RNF150: variants seen among roughly 807,000 people sequenced by gnomAD.
RNF150 encodes ring finger protein 150.
A neutral mutation model predicts 39.3 loss-of-function variants in RNF150; 24 were observed. The ratio of observed to expected loss-of-function variants is 0.61; its 90% CI spans 0.44 to 0.86. The LOEUF (loss-of-function observed/expected upper bound fraction) is 0.86. RNF150 is among the 40% of genes least tolerant of loss of function. RNF150 has a pLI of 0.00. For synonymous variants in RNF150, 255 were observed against 227.3 expected (o/e 1.12, Z -1.10); for missense variants, 502 against 587.8 (o/e 0.85, Z 1.51).
intron 4 of RNF150, among the ~76,000 whole-genome samples, chr4:140,930,461 G>A (rs150356871): frequency 7.8e-4 from 118 of 152,234 alleles, no homozygotes; most frequent in African/African-American, 2.7e-3. Flanking sequence ...TGCTCAATTC[G>A]CTGTTGCATC....
intron 1 of RNF150, among the ~76,000 whole-genome samples, chr4:141,169,550 T>C (rs1727664558): frequency 6.6e-6 from 1 of 152,142 alleles, no homozygotes; most frequent in Non-Finnish European, 1.5e-5. Flanking sequence ...TACTCACATG[T>C]TGAGAAACAG....
intron 1 of RNF150, among the ~76,000 whole-genome samples, chr4:141,022,889 A>G (rs1443164390): frequency 6.6e-6 from 1 of 152,226 alleles, no homozygotes; most frequent in Non-Finnish European, 1.5e-5. Flanking sequence ...GCATTCAGCT[A>G]AACTCATTTC....
At chr4:141,104,119 G>T (rs975643768) in intron 1 of RNF150, among the ~76,000 whole-genome samples, 2 of 152,122 alleles carry the variant, frequency 1.3e-5, no homozygotes, top group Non-Finnish European at 2.9e-5. Context: ...TGAAGGTCAA[G>T]TTTCCTTAAT....
intron 1 of RNF150, among the ~76,000 whole-genome samples, chr4:141,167,700 C>T (rs1351592974): frequency 1.3e-5 from 2 of 152,106 alleles, no homozygotes; most frequent in Non-Finnish European, 2.9e-5. Flanking sequence ...GGAAAAAATT[C>T]CCTATTTAGT....
At chr4:141,129,301 C>T (rs1023545227) in intron 1 of RNF150, among the ~76,000 whole-genome samples, 8 of 152,160 alleles carry the variant, frequency 5.3e-5, no homozygotes, top group Non-Finnish European at 7.4e-5. Context: ...TAAGTACTGA[C>T]GCATGCTACA....
At chr4:140,889,042 G>T (rs1169226680) in intron 6 of RNF150, among the ~76,000 whole-genome samples, 6 of 145,554 alleles carry the variant, frequency 4.1e-5, no homozygotes, top group Non-Finnish European at 9.1e-5. Flanking sequence ...TAAACAGTTT[G>T]TTTTTTTTTT....
intron 5 of RNF150, among the ~76,000 whole-genome samples, chr4:140,918,234 A>T (rs1020718395): frequency 1.3e-5 from 2 of 152,246 alleles, no homozygotes; most frequent in African/African-American, 4.8e-5. Flanking sequence ...AACCCTTCAA[A>T]AAATTAATGA....
chr4:141,078,919 A>G (rs1420632867), intron 1 of RNF150, among the ~76,000 whole-genome samples: 1 of 145,902 alleles, frequency 6.9e-6, no homozygotes, highest in Non-Finnish European at 1.5e-5. Context: ...ATATACACAT[A>G]TATATACATA....
At chr4:141,135,150 G>A (rs1727009105), upstream of RNF150, among the ~76,000 whole-genome samples, 1 of 152,196 alleles carries the variant, frequency 6.6e-6, no homozygotes, top group South Asian at 2.1e-4. Flanking sequence ...AATATGGAAA[G>A]AAAGAGAGCT....
At chr4:141,104,604 T>C (rs959966150) in intron 1 of RNF150, among the ~76,000 whole-genome samples, 5 of 152,174 alleles carry the variant, frequency 3.3e-5, no homozygotes, top group Non-Finnish European at 7.3e-5. Context: ...CGACAACAAA[T>C]GATACACTGA....
intron 1 of RNF150, among the ~76,000 whole-genome samples, chr4:141,130,920 T>C (rs1025639267): frequency 2.6e-5 from 4 of 152,222 alleles, no homozygotes; most frequent in African/African-American, 9.6e-5. Flanking sequence ...TCGAATATTC[T>C]GAAAGTGCTG....
chr4:140,934,874 G>A (rs1246622443), intron 4 of RNF150, among the ~76,000 whole-genome samples: 3 of 150,372 alleles, frequency 2.0e-5, no homozygotes, highest in African/African-American at 7.4e-5. Flanking sequence ...TAAAATACAG[G>A]GGCAATCATT....
rs12640306 is a variant in RNF150, at chr4:141,056,971, G to C, written c.484+75354C>G. Among the ~76,000 whole-genome samples, 68 of 152,222 alleles carry C rather than the reference G, an allele frequency of 4.5e-4. 1 individual carries two copies. The East Asian group carries it at 0.013, about 29-fold the overall frequency. ...GATAATAGTGTAGTTACTTAAGAAT[G>C]AAGGGCTATGACAAACCTTGACTAT... is the stretch of plus-strand genomic sequence containing the variant. On this transcript the variant is annotated intron_variant, in intron 1 of 6. Transcript: ENST00000515673.
At chr4:141,152,340 A>C (rs1727317055) in intron 1 of RNF150, among the ~76,000 whole-genome samples, 1 of 152,230 alleles carries the variant, frequency 6.6e-6, no homozygotes, top group Admixed American at 6.5e-5. Context: ...TTTCAAAATT[A>C]CTAACTTTTG....
chr4:140,911,241 G>A lies in RNF150; in HGVS notation c.1101C>T (p.Val367=). ...ASDTTVNESS[V]TLDPAVRTVG... ...CAGTCCGGACAGCAGGGTCCAAAGT[G>A]ACTGAACTTTCATTCACTGTTGTGT... Residue 367 remains valine, a synonymous_variant, in exon 6 of 7, where the codon GTC becomes GTT. Transcript: ENST00000515673. 2.5e-6 allele frequency: 4 copies of A among 1,614,096 alleles called. No individual in the cohort carries two copies. Among genetic ancestry groups the A allele is most frequent in the Non-Finnish European group, 3.4e-6 (4 of 1,180,008 alleles).
chr4:140,939,328 AT>A (rs1193327643), intron 4 of RNF150, among the ~76,000 whole-genome samples: 1 of 152,220 alleles, frequency 6.6e-6, no homozygotes, highest in Admixed American at 6.5e-5. Context: ...TTGTAAAAGT[AT>A]AGCCTTACAT....
At chr4:141,088,615 G>A (rs1026068997) in intron 1 of RNF150, among the ~76,000 whole-genome samples, 12 of 151,662 alleles carry the variant, frequency 7.9e-5, no homozygotes, top group Non-Finnish European at 1.0e-4. Flanking sequence ...TGGCAACTCT[G>A]CAGTTGTCAA....
chr4:140,893,870 G>C (rs1300923838), intron 6 of RNF150, among the ~76,000 whole-genome samples: 1 of 152,166 alleles, frequency 6.6e-6, no homozygotes, highest in Non-Finnish European at 1.5e-5. Flanking sequence ...CAATTTTCTA[G>C]TATTAGGAAT....
At chr4:141,095,319 G>A (rs1004799356) in intron 1 of RNF150, among the ~76,000 whole-genome samples, 1 of 152,106 alleles carries the variant, frequency 6.6e-6, no homozygotes, top group East Asian at 1.9e-4. Context: ...AGAAGACCGG[G>A]GCAGGCAATA....
Sources: allele counts gnomAD v4.1 joint callset (sites outside exome capture counted in the v4.1 genomes callset), GRCh38; gene constraint gnomAD v4.1.1; transcripts MANE v1.5; gene names NCBI Gene and HGNC (gene_info 2026-07-23, HGNC 2026-07-21).